ANK3: variants seen among roughly 807,000 people sequenced by gnomAD.
ANK3 encodes the protein ankyrin 3.
Under a neutral mutation model 370.9 loss-of-function variants are expected in ANK3, and 57 were observed. The ratio of observed to expected loss-of-function variants is 0.15; its 90% CI spans 0.12 to 0.19. The LOEUF is 0.19. Ranked by LOEUF, ANK3 falls within the 10% of genes least tolerant of loss-of-function variation. ANK3 has a pLI of 1.00. For missense variants in ANK3, 4,439 were observed against 5,302.1 expected (o/e 0.84, Z 5.06); for synonymous variants, 1,929 against 1,946.3 (o/e 0.99, Z 0.23).
At chr10:60,457,882 TAGTAG>T (rs1332823432) in intron 2 of ANK3, among the ~76,000 whole-genome samples, 4 of 152,122 alleles carry the variant, frequency 2.6e-5, no homozygotes, top group Non-Finnish European at 4.4e-5. Context: ...GGCGGTAGTG[TAGTAG>T]AGTAGAGAGA....
chr10:60,294,676 T>C (rs891170501), intron 1 of ANK3, among the ~76,000 whole-genome samples: 3 of 152,178 alleles, frequency 2.0e-5, no homozygotes, highest in Non-Finnish European at 4.4e-5. Context: ...TTTGAATGTA[T>C]AAAAAATATT....
chr10:60,563,250 G>A (rs1225487838), intron 2 of ANK3, among the ~76,000 whole-genome samples: 2 of 152,134 alleles, frequency 1.3e-5, no homozygotes, highest in African/African-American at 2.4e-5. Context: ...CTACCAAACT[G>A]AAAACTGCAC....
chr10:60,450,604 A>G (rs2064573594), intron 2 of ANK3, among the ~76,000 whole-genome samples: 1 of 152,122 alleles, frequency 6.6e-6, no homozygotes, highest in African/African-American at 2.4e-5. Flanking sequence ...ATTAAGAGGG[A>G]TGAAAATGCA....
intron 40 of ANK3, among the ~76,000 whole-genome samples, chr10:60,061,297 G>C (rs2080409450): frequency 6.6e-6 from 1 of 151,994 alleles, no homozygotes; most frequent in Non-Finnish European, 1.5e-5. Flanking sequence ...ATTTCCCTAA[G>C]AAATTTTGAA....
At chr10:60,622,618 T>C (rs1465142081) in intron 1 of ANK3, among the ~76,000 whole-genome samples, 1 of 152,166 alleles carries the variant, frequency 6.6e-6, no homozygotes, top group South Asian at 2.1e-4. Flanking sequence ...ACTGTATCTC[T>C]TGTACCTGAC....
At chr10:60,086,143 T>A (rs1165625328) in intron 30 of ANK3, among the ~76,000 whole-genome samples, 1 of 152,200 alleles carries the variant, frequency 6.6e-6, no homozygotes, top group East Asian at 1.9e-4. Context: ...AGATTCCAGG[T>A]GCTTATCACA....
intron 1 of ANK3, among the ~76,000 whole-genome samples, chr10:60,359,587 T>A (rs2058299216): frequency 6.6e-6 from 1 of 152,222 alleles, no homozygotes; most frequent in Admixed American, 6.5e-5. Flanking sequence ...ATGATTTCCT[T>A]AGAGTAATTT....
At chr10:60,667,469 G>C (rs2079013269) in intron 1 of ANK3, among the ~76,000 whole-genome samples, 1 of 152,038 alleles carries the variant, frequency 6.6e-6, no homozygotes, top group Non-Finnish European at 1.5e-5. Context: ...TCTTACCACT[G>C]TTTGAGTATC....
chr10:60,360,261 C>A lies in ANK3; in HGVS notation c.114+29164G>T, dbSNP rs1274196117. Among the ~76,000 whole-genome samples the A allele has an allele frequency of 2.0e-5, 3 of 152,276 alleles. No individual in the cohort carries two copies. In the East Asian group the frequency reaches 5.8e-4, roughly 29 times the overall value. The stretch of plus-strand genomic sequence containing the variant: ...TCTGAAGGAATTAAGTGAGGATCTA[C>A]TTTTATCAGAAACAATTCTTTTATT... On this transcript the variant is annotated intron_variant, in intron 1 of 43. Coordinates refer to ENST00000280772, the MANE Select transcript of ANK3 (RefSeq NM_020987.5).
chr10:60,700,906 C>T (rs1333260069), intron 1 of ANK3, among the ~76,000 whole-genome samples: 4 of 151,260 alleles, frequency 2.6e-5, no homozygotes, highest in Admixed American at 6.6e-5. Context: ...AGATCCAGAA[C>T]CTAAAAACAA....
intron 1 of ANK3, among the ~76,000 whole-genome samples, chr10:60,282,506 GCACA>G (rs145255506): frequency 6.6e-6 from 1 of 150,454 alleles, no homozygotes. Context: ...TTCAACAATT[GCACA>G]CACACACACA....
intron 1 of ANK3, among the ~76,000 whole-genome samples, chr10:60,330,898 A>C (rs566905310): frequency 7.9e-4 from 121 of 152,364 alleles, no homozygotes; most frequent in Non-Finnish European, 1.5e-3. Context: ...TGGATGAAGA[A>C]AATGTGGCAC....
chr10:60,055,200 C>A (rs2078922751), intron 42 of ANK3, among the ~76,000 whole-genome samples: 1 of 152,100 alleles, frequency 6.6e-6, no homozygotes, highest in Non-Finnish European at 1.5e-5. Flanking sequence ...GACAACAGAC[C>A]ATACAGAACA....
intron 26 of ANK3, 103 bp downstream of exon 26, chr10:60,114,122 G>A (rs900300492): frequency 2.0e-6 from 1 of 495,560 alleles, no homozygotes; most frequent in Admixed American, 3.7e-5. Context: ...ATACATGAAT[G>A]TATTCATATA....
intron 1 of ANK3, chr10:60,684,961 A>G: frequency 6.5e-7 from 1 of 1,546,962 alleles, no homozygotes; most frequent in Non-Finnish European, 8.9e-7. Flanking sequence ...ATTGTTAGCA[A>G]CAGGTGAACT....
chr10:60,111,294 T>C (rs1021498109), intron 26 of ANK3, among the ~76,000 whole-genome samples: 2 of 152,224 alleles, frequency 1.3e-5, no homozygotes, highest in Non-Finnish European at 2.9e-5. Context: ...GTGTTCTGTA[T>C]AGCACACAGT....
At chr10:60,328,700 T>A (rs1455959354) in intron 1 of ANK3, among the ~76,000 whole-genome samples, 1 of 152,186 alleles carries the variant, frequency 6.6e-6, no homozygotes, top group Admixed American at 6.5e-5. Flanking sequence ...AGCTGAATTC[T>A]ACGAAGAGGA....
At chr10:60,692,193 T>A (rs936811513) in intron 1 of ANK3, among the ~76,000 whole-genome samples, 11 of 152,234 alleles carry the variant, frequency 7.2e-5, no homozygotes, top group African/African-American at 2.7e-4. Flanking sequence ...AACATTCTTG[T>A]GAAGACAATA....
At chr10:60,249,868 AC>A (rs2097622412) in intron 7 of ANK3, among the ~76,000 whole-genome samples, 1 of 152,170 alleles carries the variant, frequency 6.6e-6, no homozygotes, top group Non-Finnish European at 1.5e-5. Flanking sequence ...TCCACAGGTC[AC>A]GCACTGAGGC....
Sources: allele counts gnomAD v4.1 joint callset (sites outside exome capture counted in the v4.1 genomes callset), GRCh38; gene constraint gnomAD v4.1.1; transcripts MANE v1.5; gene names NCBI Gene and HGNC (gene_info 2026-07-23, HGNC 2026-07-21).